The following NRDC variants were observed in gnomAD, a reference collection of about 807,000 sequenced individuals.
NRDC encodes the protein nardilysin convertase, also known as nardilysin.
NRDC carries 54 observed loss-of-function variants against 147.1 expected under a neutral mutation model. That is an observed-to-expected ratio of 0.37 (90% CI 0.29 to 0.46). The LOEUF is 0.46. Ranked by LOEUF, NRDC falls within the 20% of genes least tolerant of loss-of-function variation. NRDC has a pLI of 1.00. For synonymous variants in NRDC, 440 were observed against 482.1 expected (o/e 0.91, Z 1.14); for missense variants, 1,082 against 1,370.6 (o/e 0.79, Z 3.33).
intron 1 of NRDC, among the ~76,000 whole-genome samples, chr1:51,867,662 G>T (rs1682882486): frequency 6.6e-6 from 1 of 152,208 alleles, no homozygotes; most frequent in Non-Finnish European, 1.5e-5. Context: ...GGTGAACTAT[G>T]CAGTATGATG....
intron 3 of NRDC, among the ~76,000 whole-genome samples, chr1:51,835,467 G>GTTTTTTTTTTTTTTTTTTT (rs951683379): frequency 8.7e-6 from 1 of 114,624 alleles, no homozygotes; most frequent in African/African-American, 3.5e-5. Flanking sequence ...TTTGTTTCTT[G>GTTTTTTTTTTTTTTTTTTT]TTTTTTTTTT....
chr1:51,833,122 A>G (rs1449691193), intron 4 of NRDC, among the ~76,000 whole-genome samples: 1 of 152,184 alleles, frequency 6.6e-6, no homozygotes, highest in Admixed American at 6.5e-5. Context: ...AGGCAATCTT[A>G]TCCCTTTTTT....
intron 14 of NRDC, among the ~76,000 whole-genome samples, chr1:51,812,961 C>CAAAAAAAAAAAAAAA (rs5774107): frequency 1.4e-5 from 1 of 71,816 alleles, no homozygotes; most frequent in Non-Finnish European, 2.4e-5. Context: ...GACTCTGTCT[C>CAAAAAAAAAAAAAAA]AAAAAAAAAA....
chr1:51,834,004 T>G lies in NRDC; in HGVS notation c.866+13A>C. 1 of 1,608,948 alleles carries G rather than the reference T, an allele frequency of 6.2e-7. No individual in the cohort carries two copies. Among genetic ancestry groups the G allele is most frequent in the South Asian group, 1.1e-5 (1 of 90,954 alleles). ...TAGATCATTAAAATTAAAGTATATT[T>G]AGAGTTAGTTACCTATCAAGAGCTT... On this transcript the variant is annotated intron_variant, in intron 4 of 30. Coordinates refer to ENST00000352171, the MANE Select transcript of NRDC (RefSeq NM_001101662.2).
At position 51,834,260 on chromosome 1, in the gene NRDC, G is replaced by A. The variant is rs1680843053; in HGVS notation, c.713-90C>T. 7 of 1,311,830 alleles carry A rather than the reference G, an allele frequency of 5.3e-6. No homozygotes were observed. In the East Asian group the frequency reaches 1.2e-4, roughly 22 times the overall value. The allele number at this position is 1,311,830 out of a possible 1,614,324, so 81.3% of individuals were successfully genotyped here. On this transcript the variant is annotated intron_variant, in intron 3 of 30. Coordinates refer to ENST00000352171, the MANE Select transcript of NRDC (RefSeq NM_001101662.2). ...ACTTTCTTATATGCATAGAAAAACTGAAAGAAAATAGACCAACACATCAAA... is the reference window on the plus strand; with the variant it reads ...ACTTTCTTATATGCATAGAAAAACTAAAAGAAAATAGACCAACACATCAAA...
intron 14 of NRDC, among the ~76,000 whole-genome samples, chr1:51,812,759 G>A (rs980016847): frequency 2.6e-5 from 4 of 151,974 alleles, no homozygotes; most frequent in Non-Finnish European, 4.4e-5. Flanking sequence ...CAGCACTATC[G>A]TCTAAACACT....
chr1:51,814,518 G>C (rs749422020), intron 13 of NRDC, 33 bp downstream of exon 13: 1 of 1,595,352 alleles, frequency 6.3e-7, no homozygotes, highest in Non-Finnish European at 8.6e-7. Flanking sequence ...ACCAGGACTG[G>C]CTCCTGGCCT....
intron 1 of NRDC, among the ~76,000 whole-genome samples, chr1:51,854,127 T>C (rs571249859): frequency 1.3e-5 from 2 of 152,272 alleles, no homozygotes; most frequent in African/African-American, 4.8e-5. Flanking sequence ...CCCAGCACTT[T>C]GGGAGGCCGA....
At chr1:51,800,799 G>C (rs1328942696) in intron 20 of NRDC, 116 bp from the exon 21 acceptor site, 2 of 976,092 alleles carry the variant, frequency 2.0e-6, no homozygotes, top group Admixed American at 2.6e-5. Context: ...GGCATTGTGG[G>C]GGGACATAAG....
intron 1 of NRDC, among the ~76,000 whole-genome samples, chr1:51,844,866 G>T (rs1243214935): frequency 1.4e-5 from 2 of 141,348 alleles, no homozygotes; most frequent in African/African-American, 5.3e-5. Flanking sequence ...AGGAAGGAAG[G>T]AAGGAAGGAA....
intron 4 of NRDC, among the ~76,000 whole-genome samples, chr1:51,828,207 T>C (rs1680531428): frequency 6.6e-6 from 1 of 152,242 alleles, no homozygotes; most frequent in South Asian, 2.1e-4. Context: ...ATCCTGAATG[T>C]ATAGCAGTAA....
chr1:51,872,787 CA>C (rs1219842790), intron 1 of NRDC, among the ~76,000 whole-genome samples: 1 of 152,164 alleles, frequency 6.6e-6, no homozygotes, highest in Non-Finnish European at 1.5e-5. Flanking sequence ...TACTAGTATT[CA>C]TAAGATTTAA....
In NRDC at chr1:51,878,438, A is replaced by G; in HGVS notation, c.178T>C (p.Cys60Arg). The G allele has an allele frequency of 6.2e-7, 1 of 1,614,112 alleles. No individual in the cohort carries two copies. Among genetic ancestry groups the G allele is most frequent in the Non-Finnish European group, 8.5e-7 (1 of 1,180,038 alleles). The stretch of plus-strand genomic sequence containing the variant: ...TTGGGCTGCAGGTCAGGGCAGCTGC[A>G]GGTAGACTTCGCCTTGTTCCTTCCA... ...MPGRNKAKST[C>R]SCPDLQPNGQ... is the part of the protein sequence containing the mutation. The change falls in exon 1 of 31, where the codon TGC (cysteine) becomes CGC (arginine). Residue 60 changes from cysteine to arginine, a missense_variant. Around this residue, in one of 3 missense-constraint regions of NRDC, gnomAD observed 260 missense variants for 253.2 expected, o/e 1.03. Coordinates refer to ENST00000352171, the MANE Select transcript of NRDC (RefSeq NM_001101662.2).
intron 14 of NRDC, among the ~76,000 whole-genome samples, chr1:51,812,955 C>G (rs1245559803): frequency 2.4e-5 from 2 of 82,084 alleles, no homozygotes; most frequent in African/African-American, 1.0e-4. Flanking sequence ...GAGCAAGACT[C>G]TGTCTCAAAA....
At chr1:51,804,793 C>T (rs1447359708) in intron 19 of NRDC, among the ~76,000 whole-genome samples, 2 of 146,046 alleles carry the variant, frequency 1.4e-5, no homozygotes, top group Non-Finnish European at 3.0e-5. Flanking sequence ...GTATCTGCTA[C>T]ATTCAGACAC....
At chr1:51,828,033 G>A (rs917017598) in intron 4 of NRDC, among the ~76,000 whole-genome samples, 164 bp from the exon 5 acceptor site, 2 of 152,092 alleles carry the variant, frequency 1.3e-5, no homozygotes, top group Non-Finnish European at 2.9e-5. Flanking sequence ...ATATCTACAT[G>A]TTACTTTAAC....
intron 1 of NRDC, among the ~76,000 whole-genome samples, chr1:51,849,672 C>T (rs989297221): frequency 2.0e-5 from 3 of 150,556 alleles, no homozygotes; most frequent in South Asian, 4.2e-4. Context: ...AAAAATTAGC[C>T]GGGCATGGTG....
At chr1:51,821,860 G>A (rs895396125) in intron 7 of NRDC, among the ~76,000 whole-genome samples, 1 of 152,110 alleles carries the variant, frequency 6.6e-6, no homozygotes, top group Non-Finnish European at 1.5e-5. Flanking sequence ...CAAGAGATAA[G>A]ATTATGCCAA....
rs187586347 is a variant in NRDC, at chr1:51,794,386, G to A, written c.2775+86C>T. ...TGGCCCCAAGCATGAAACTACAGAA[G>A]TAACTATAAAAGGGCCTTGAAGGTC... On this transcript the variant is annotated intron_variant, in intron 24 of 30. Coordinates refer to ENST00000352171, the MANE Select transcript of NRDC (RefSeq NM_001101662.2). 3.6e-3 allele frequency: 4,848 copies of A among 1,336,172 alleles called. 24 individuals carry two copies. Among genetic ancestry groups the A allele is most frequent in the Non-Finnish European group, 4.4e-3 (4,217 of 951,202 alleles). 82.8% of individuals were successfully genotyped at this position (1,336,172 alleles called of 1,614,324 possible). A position where few individuals can be genotyped will look rare whatever the true frequency, so the allele number is the denominator to read the frequency against.
Sources: allele counts gnomAD v4.1 joint callset (sites outside exome capture counted in the v4.1 genomes callset), GRCh38; gene constraint gnomAD v4.1.1; regional missense constraint gnomAD v4.1.1; transcripts MANE v1.5; gene names NCBI Gene and HGNC (gene_info 2026-07-23, HGNC 2026-07-21).